GSK3B: variants seen among roughly 807,000 people sequenced by gnomAD.
GSK3B encodes glycogen synthase kinase-3 beta.
A neutral mutation model predicts 56.4 loss-of-function variants in GSK3B; 15 were observed. The observed-to-expected ratio is 0.27, with a 90% CI of 0.18 to 0.41. The LOEUF (loss-of-function observed/expected upper bound fraction) is 0.41, where lower values mean the gene tolerates loss of function less well. GSK3B is among the 10% of genes least tolerant of loss of function. The probability of loss-of-function intolerance (pLI) is 1.00; values close to 1 mark genes in which losing one functional copy is unlikely to be tolerated. For missense variants in GSK3B, 300 were observed against 513.4 expected (o/e 0.58, Z 4.02); for synonymous variants, 181 against 188.9 (o/e 0.96, Z 0.34).
chr3:119,925,602 A>T (rs2107468193), intron 3 of GSK3B, among the ~76,000 whole-genome samples: 1 of 152,232 alleles, frequency 6.6e-6, no homozygotes. Flanking sequence ...ATGGTCCTGT[A>T]CTCAAGGTCA....
chr3:119,856,436 C>T (rs2056024320), intron 9 of GSK3B, among the ~76,000 whole-genome samples: 3 of 152,172 alleles, frequency 2.0e-5, no homozygotes, highest in African/African-American at 7.2e-5. Flanking sequence ...TCTACATTTT[C>T]CCCAGTAGAG....
intron 3 of GSK3B, among the ~76,000 whole-genome samples, chr3:119,936,761 T>C (rs1378178956): frequency 6.6e-6 from 1 of 151,734 alleles, no homozygotes; most frequent in African/African-American, 2.4e-5. Context: ...ACTAACAGAA[T>C]AGAAGGGAGA....
chr3:119,994,258 G>A (rs1367568339), intron 2 of GSK3B, among the ~76,000 whole-genome samples: 3 of 152,084 alleles, frequency 2.0e-5, no homozygotes, highest in Non-Finnish European at 2.9e-5. Flanking sequence ...AATTAAATGA[G>A]AGTCAATGAG....
intron 1 of GSK3B, among the ~76,000 whole-genome samples, chr3:120,026,428 T>C (rs570877184): frequency 1.3e-5 from 2 of 151,190 alleles, no homozygotes; most frequent in East Asian, 3.9e-4. Flanking sequence ...CTGTAAGGAT[T>C]TATTACCGCA....
intron 1 of GSK3B, among the ~76,000 whole-genome samples, chr3:120,091,824 GAA>G (rs373339796): frequency 3.5e-5 from 5 of 143,982 alleles, no homozygotes; most frequent in Non-Finnish European, 6.1e-5. Flanking sequence ...CAAGCCACAA[GAA>G]AAAAAAAAAA....
chr3:119,851,255 G>A (rs1341186511), intron 9 of GSK3B, among the ~76,000 whole-genome samples: 4 of 152,126 alleles, frequency 2.6e-5, no homozygotes, highest in Non-Finnish European at 4.4e-5. Flanking sequence ...GTTTTATACT[G>A]CAAAACACAG....
At position 120,062,149 on chromosome 3, in the gene GSK3B, T is replaced by C. The variant is rs543661769; in HGVS notation, c.88+31198A>G. Reference sequence around the variant, plus strand: ...CACAGAGTATAATTTTATCTTATTTTATTTTTGTTTCTTTAACTATACTAA... The same window carrying C: ...CACAGAGTATAATTTTATCTTATTTCATTTTTGTTTCTTTAACTATACTAA... On this transcript the variant is annotated intron_variant, in intron 1 of 10. Coordinates refer to ENST00000264235, the MANE Select transcript of GSK3B (RefSeq NM_001146156.2). Among the ~76,000 whole-genome samples, 4 of 152,378 alleles carry C rather than the reference T, an allele frequency of 2.6e-5. No individual in the cohort carries two copies. In the South Asian group the frequency reaches 8.3e-4, roughly 32 times the overall value.
At chr3:120,027,103 G>A (rs561944888) in intron 1 of GSK3B, among the ~76,000 whole-genome samples, 78 of 150,076 alleles carry the variant, frequency 5.2e-4, no homozygotes, top group African/African-American at 1.7e-3. Context: ...GGCCAGGCAC[G>A]GTGGCTCACG....
chr3:120,053,561 T>A (rs1465674227), intron 1 of GSK3B, among the ~76,000 whole-genome samples: 1 of 152,208 alleles, frequency 6.6e-6, no homozygotes, highest in Non-Finnish European at 1.5e-5. Context: ...AAAACACATG[T>A]GCACCCACAA....
At chr3:119,956,871 T>C (rs956535073) in intron 2 of GSK3B, among the ~76,000 whole-genome samples, 2 of 152,192 alleles carry the variant, frequency 1.3e-5, no homozygotes, top group Non-Finnish European at 2.9e-5. Context: ...ACATTTTCTA[T>C]AAAGGACCAG....
At position 119,896,734 on chromosome 3, in the gene GSK3B, T is replaced by C. The variant is rs1246548325; in HGVS notation, c.813+9021A>G. Among the ~76,000 whole-genome samples, 4 of 152,188 alleles carry C rather than the reference T, an allele frequency of 2.6e-5. No homozygotes were observed. In the East Asian group the frequency reaches 7.7e-4, roughly 29 times the overall value. On this transcript the variant is annotated intron_variant, in intron 7 of 10. Coordinates refer to ENST00000264235, the MANE Select transcript of GSK3B (RefSeq NM_001146156.2). ...TGCAAAAAAGGAAGCAAGAATTCCT[T>C]AGTAAAACATAGATCCTGAAGTCAG...
intron 7 of GSK3B, among the ~76,000 whole-genome samples, chr3:119,886,455 T>C (rs1030863492): frequency 3.9e-5 from 6 of 152,244 alleles, no homozygotes; most frequent in African/African-American, 1.2e-4. Context: ...TGTAAATTAG[T>C]CCAGCCACTG....
At chr3:119,981,977 G>A (rs942091221) in intron 2 of GSK3B, among the ~76,000 whole-genome samples, 31 of 152,268 alleles carry the variant, frequency 2.0e-4, no homozygotes, top group South Asian at 1.5e-3. Context: ...CAGCTGCCCC[G>A]CTGTGACGAA....
At chr3:119,923,710 ATTG>A (rs2056865645) in intron 3 of GSK3B, among the ~76,000 whole-genome samples, 2 of 152,204 alleles carry the variant, frequency 1.3e-5, no homozygotes, top group African/African-American at 4.8e-5. Flanking sequence ...TCATTTCAAT[ATTG>A]TTAAGATTCC....
At chr3:120,007,726 A>G (rs1408253212) in intron 1 of GSK3B, among the ~76,000 whole-genome samples, 3 of 152,204 alleles carry the variant, frequency 2.0e-5, no homozygotes, top group Non-Finnish European at 4.4e-5. Context: ...AGCCTTTCAT[A>G]CTAAAAACTT....
intron 3 of GSK3B, among the ~76,000 whole-genome samples, chr3:119,933,461 T>C (rs1007083612): frequency 6.6e-6 from 1 of 152,222 alleles, no homozygotes; most frequent in Admixed American, 6.5e-5. Context: ...CGCTCGTGCA[T>C]GCATAAAATT....
chr3:119,985,289 C>T (rs563165681), intron 2 of GSK3B, among the ~76,000 whole-genome samples: 68 of 152,270 alleles, frequency 4.5e-4, no homozygotes, highest in Middle Eastern at 3.4e-3. Flanking sequence ...GACAAGGATG[C>T]CCTCTCTCAC....
chr3:119,998,285 G>T (rs967406536), intron 2 of GSK3B, among the ~76,000 whole-genome samples: 1 of 152,100 alleles, frequency 6.6e-6, no homozygotes, highest in Non-Finnish European at 1.5e-5. Context: ...TTTTCCAGTG[G>T]CTCCCTTGCC....
chr3:119,977,619 C>T (rs994305826), intron 2 of GSK3B, among the ~76,000 whole-genome samples: 1 of 152,158 alleles, frequency 6.6e-6, no homozygotes, highest in African/African-American at 2.4e-5. Flanking sequence ...AAGAACAGTG[C>T]TACACATAGC....
Sources: gnomAD v4.1 joint callset for allele counts (sites outside exome capture counted in the v4.1 genomes callset) on GRCh38, gnomAD v4.1.1 for gene constraint, MANE v1.5 for transcripts, NCBI Gene and HGNC (gene_info 2026-07-23, HGNC 2026-07-21) for gene names.